The following HNRNPDL variants were observed in gnomAD, a reference collection of about 807,000 sequenced individuals.
HNRNPDL encodes heterogeneous nuclear ribonucleoprotein D-like.
Under a neutral mutation model 48.0 loss-of-function variants are expected in HNRNPDL, and 18 were observed. The ratio of observed to expected loss-of-function variants is 0.38; its 90% CI spans 0.26 to 0.56. The LOEUF (loss-of-function observed/expected upper bound fraction) is 0.56. Among genes scored for constraint, HNRNPDL ranks in the 20% least tolerant of loss-of-function variants. The pLI is 0.77. For missense variants in HNRNPDL, 553 were observed against 540.7 expected (o/e 1.02, Z -0.23); for synonymous variants, 306 against 207.3 (o/e 1.48, Z -4.09).
At position 82,423,864 on chromosome 4, in the gene HNRNPDL, A is replaced by G. The variant is rs1261944082; in HGVS notation, c.*1042T>C. 2 of 152,226 alleles carry G rather than the reference A, an allele frequency of 1.3e-5. No homozygotes were observed. Among genetic ancestry groups the G allele is most frequent in the Admixed American group, 6.5e-5 (1 of 15,276 alleles). 9.4% of individuals were successfully genotyped at this position (152,226 alleles called of 1,614,324 possible). ...CCACTATTCCTTTCTGAATATGTAA[A>G]TATTTAACTACTTAGTTCATGCACT... On this transcript the variant is annotated 3_prime_UTR_variant, in exon 8 of 8. Coordinates refer to ENST00000295470, the MANE Select transcript of HNRNPDL (RefSeq NM_031372.4).
Position 82,426,555 on chromosome 4 carries a change from C to T in HNRNPDL, c.1100G>A (p.Gly367Asp). Residue 367 changes from glycine to aspartate, a missense_variant, in exon 6 of 8, where the codon GGT becomes GAT. By Grantham distance (94) the Gly-to-Asp change is moderately conservative. This residue lies in a region of HNRNPDL where 174 missense variants were observed against 204.6 expected (regional missense o/e 0.85). Coordinates refer to ENST00000295470, the MANE Select transcript of HNRNPDL (RefSeq NM_031372.4). ...GCCATAGCCACTATAGTTTTGATCA[C>T]CACCATAGGCACTATTGTAATTTCC... is the stretch of plus-strand genomic sequence containing the variant. ...GYGNYNSAYG[G>D]DQNYSGYGGY... 6.2e-7 allele frequency: 1 copy of T among 1,612,410 alleles called. No individual in the cohort carries two copies. Among genetic ancestry groups the T allele is most frequent in the Non-Finnish European group, 8.5e-7 (1 of 1,178,574 alleles).
At position 82,426,689 on chromosome 4, in the gene HNRNPDL, T is replaced by TA. The variant is rs3217298; in HGVS notation, c.1022-57dup. 0.067 allele frequency: 94,312 copies of TA among 1,401,044 alleles called. 3,515 individuals are homozygous for TA. Among genetic ancestry groups the TA allele is most frequent in the Admixed American group, 0.12 (7,101 of 59,516 alleles). 86.8% of individuals were successfully genotyped at this position (1,401,044 alleles called of 1,614,324 possible). The stretch of plus-strand genomic sequence containing the variant: ...CAACTTCTGACCCCCAATTCTAACA[T>TA]AAAATGATGCGTTCTTGTCTCTCAC... On this transcript the variant is annotated intron_variant, in intron 5 of 7. Transcript: ENST00000295470.
At chr4:82,427,163 A>T in intron 5 of HNRNPDL, 27 bp downstream of exon 5, 1 of 1,381,076 alleles carries the variant, frequency 7.2e-7, no homozygotes, top group Non-Finnish European at 1.0e-6. Context: ...TAAACCACGG[A>T]GTCATATTTC....
intron 7 of HNRNPDL, 82 bp downstream of exon 7, chr4:82,425,955 T>C: frequency 1.1e-6 from 1 of 932,106 alleles, no homozygotes; most frequent in East Asian, 2.4e-5. Context: ...CTACATAGTA[T>C]TTTGTTTTTA....
intron 1 of HNRNPDL, among the ~76,000 whole-genome samples, chr4:82,428,946 G>A (rs1454367913): frequency 1.3e-5 from 2 of 152,194 alleles, no homozygotes; most frequent in Non-Finnish European, 2.9e-5. Flanking sequence ...GGCGGCAGCT[G>A]CAGCGTGCAG....
intron 1 of HNRNPDL, 117 bp downstream of exon 1, chr4:82,429,131 G>C (rs1481393371): frequency 8.4e-6 from 8 of 947,520 alleles, no homozygotes; most frequent in Non-Finnish European, 1.3e-5. Context: ...GTGGGGCCCA[G>C]AAGGCACGCG....
chr4:82,427,187 C>G lies in HNRNPDL; in HGVS notation c.1021+3G>C. Reference sequence around the variant, plus strand: ...GAGTCATATTTCAAGAATTAAGTCTCACCTCGGCCACGACCCCTCGTACCA... The same window carrying G: ...GAGTCATATTTCAAGAATTAAGTCTGACCTCGGCCACGACCCCTCGTACCA... On this transcript the variant is annotated splice_donor_region_variant and intron_variant, in intron 5 of 7. Transcript: ENST00000295470. 3.1e-6 allele frequency: 5 copies of G among 1,588,320 alleles called. No individual in the cohort carries two copies. Among genetic ancestry groups the G allele is most frequent in the Non-Finnish European group, 4.3e-6 (5 of 1,156,742 alleles).
chr4:82,428,552 T>A, intron 1 of HNRNPDL, 106 bp from the exon 2 acceptor site: 1 of 839,744 alleles, frequency 1.2e-6, no homozygotes, highest in Non-Finnish European at 1.8e-6. Context: ...CCCCTAAGTG[T>A]AGGCAATTTA....
chr4:82,424,823 G>C lies in HNRNPDL; in HGVS notation c.*83C>G, dbSNP rs1222063208. On this transcript the variant is annotated 3_prime_UTR_variant, in exon 8 of 8. Transcript: ENST00000295470. ...AGTCTTTTACAAAATAATCATCTTA[G>C]ATCAACAGAAGACCAATCTTCAATG... 1 of 152,154 alleles carries C rather than the reference G, an allele frequency of 6.6e-6. No individual in the cohort carries two copies. The highest frequency in any genetic ancestry group is 6.5e-5 in the Admixed American group (1 of 15,268). 9.4% of individuals were successfully genotyped at this position (152,154 alleles called of 1,614,324 possible).
rs935119489 is a variant in HNRNPDL, at chr4:82,429,511, G to C, written c.180C>G (p.His60Gln). Residue 60 changes from histidine (H) to glutamine (Q), a missense_variant, in exon 1 of 8, where the codon CAC becomes CAG. By Grantham distance (24) the His-to-Gln change is conservative. Transcript: ENST00000295470. ...ARQGARRAQR[H>Q]VTAQQPSRLA... The stretch of plus-strand genomic sequence containing the variant: ...ATCGGGAGGGCTGCTGGGCGGTGAC[G>C]TGGCGCTGGGCCCGGCGCGCCCCCT... The C allele has an allele frequency of 1.7e-5, 26 of 1,524,222 alleles. No homozygotes were observed. The highest frequency in any genetic ancestry group is 1.1e-4 in the Admixed American group (5 of 46,856). 94.4% of individuals were successfully genotyped at this position (1,524,222 alleles called of 1,614,324 possible). A position where few individuals can be genotyped will look rare whatever the true frequency, so the allele number is the denominator to read the frequency against.
intron 7 of HNRNPDL, chr4:82,425,474 A>T (rs906241530): frequency 1.3e-5 from 2 of 152,800 alleles, no homozygotes; most frequent in African/African-American, 2.4e-5. Context: ...TTAGACACTT[A>T]ATCTCCAAAA....
At chr4:82,427,088 T>C (rs1721443098) in intron 5 of HNRNPDL, 102 bp downstream of exon 5, 3 of 828,488 alleles carry the variant, frequency 3.6e-6, no homozygotes, top group Non-Finnish European at 6.2e-6. Flanking sequence ...TCCGCTGGAA[T>C]GGTTTTAAGT....
chr4:82,423,581 TC>T lies in HNRNPDL; in HGVS notation c.*1324del, dbSNP rs1578081226. On this transcript the variant is annotated 3_prime_UTR_variant, in exon 8 of 8. Coordinates refer to ENST00000295470, the MANE Select transcript of HNRNPDL (RefSeq NM_031372.4). ...TAAGAAACTTACCAGTTTTGTGAGATCACCCGTTGTGTGAGATCAACTACTC... is the reference window on the plus strand; with the variant it reads ...TAAGAAACTTACCAGTTTTGTGAGATACCCGTTGTGTGAGATCAACTACTC... 1 of 151,680 alleles carries T rather than the reference TC, an allele frequency of 6.6e-6. No individual in the cohort carries two copies. Among genetic ancestry groups the T allele is most frequent in the East Asian group, 1.9e-4 (1 of 5,154 alleles). The allele number at this position is 151,680 out of a possible 1,614,324, so 9.4% of individuals were successfully genotyped here.
Position 82,423,555 on chromosome 4 carries a change from A to G in HNRNPDL, c.*1351T>C, listed in dbSNP as rs917114661. Reference sequence around the variant, plus strand: ...AAAAAAAAAGGGAGGGCTCATGAGCATAAGAAACTTACCAGTTTTGTGAGA... The same window carrying G: ...AAAAAAAAAGGGAGGGCTCATGAGCGTAAGAAACTTACCAGTTTTGTGAGA... On this transcript the variant is annotated 3_prime_UTR_variant, in exon 8 of 8. Transcript: ENST00000295470. The G allele has an allele frequency of 1.3e-5, 2 of 151,950 alleles. No individual in the cohort carries two copies. The highest frequency in any genetic ancestry group is 2.9e-5 in the Non-Finnish European group (2 of 68,002). The allele number at this position is 151,950 out of a possible 1,614,324, so 9.4% of individuals were successfully genotyped here. A position where few individuals can be genotyped will look rare whatever the true frequency, so the allele number is the denominator to read the frequency against.
In HNRNPDL at chr4:82,429,364, G is replaced by C; in HGVS notation, c.327C>G (p.Arg109=). The C allele has an allele frequency of 6.2e-7, 1 of 1,613,584 alleles. No individual in the cohort carries two copies. The highest frequency in any genetic ancestry group is 1.3e-5 in the African/African-American group (1 of 74,904). The part of the protein sequence containing the change: ...AAAAAATRTA[R]QHPPADSSVT... ...CGGAGCTGTCGGCAGGGGGGTGCTG[G>C]CGCGCAGTCCGGGTCGCGGCAGCAG... is the stretch of plus-strand genomic sequence containing the variant. Residue 109 remains arginine (R), a synonymous_variant, in exon 1 of 8, where the codon CGC becomes CGG. Coordinates refer to ENST00000295470, the MANE Select transcript of HNRNPDL (RefSeq NM_031372.4).
At position 82,429,684 on chromosome 4, in the gene HNRNPDL, C is replaced by T. The variant is rs2110032103; in HGVS notation, c.7G>A (p.Val3Ile). 1 of 1,354,004 alleles carries T rather than the reference C, an allele frequency of 7.4e-7. No homozygotes were observed. Among genetic ancestry groups the T allele is most frequent in the Non-Finnish European group, 9.5e-7 (1 of 1,054,762 alleles). 83.9% of individuals were successfully genotyped at this position (1,354,004 alleles called of 1,614,324 possible). Residue 3 changes from valine (V) to isoleucine (I), a missense_variant, in exon 1 of 8, where the codon GTC becomes ATC. Val to Ile is a conservative substitution (Grantham distance 29). This residue lies in a region of HNRNPDL where 327 missense variants were observed against 203.2 expected (regional missense o/e 1.61). Transcript: ENST00000295470. ...GGCACATGGGAAAGCCTGGGCGGGA[C>T]CTCCATCGCGGCCCTCCCGGCAAGG... ME[V>I]PPRLSHVPPP...
chr4:82,423,996 T>C lies in HNRNPDL; in HGVS notation c.*910A>G, dbSNP rs1721308442. The C allele has an allele frequency of 6.6e-6, 1 of 152,262 alleles. No individual in the cohort carries two copies. The highest frequency in any genetic ancestry group is 2.4e-5 in the African/African-American group (1 of 41,460). The allele number at this position is 152,262 out of a possible 1,614,324, so 9.4% of individuals were successfully genotyped here. A position where few individuals can be genotyped will look rare whatever the true frequency, so the allele number is the denominator to read the frequency against. ...CAAACAGAAAACATTTTGTTCAATC[T>C]TGTGGCGGCTCTGAGAAAACACAAC... On this transcript the variant is annotated 3_prime_UTR_variant, in exon 8 of 8. Coordinates refer to ENST00000295470, the MANE Select transcript of HNRNPDL (RefSeq NM_031372.4).
chr4:82,424,930 A>T (rs1278671704), intron 7 of HNRNPDL, 47 bp from the exon 8 acceptor site: 1 of 152,242 alleles, frequency 6.6e-6, no homozygotes, highest in Non-Finnish European at 1.5e-5. Flanking sequence ...AACTCTGACA[A>T]GCTTTTAAAG....
rs552324173 is a variant in HNRNPDL at position 82,424,432 on chromosome 4, A to C, written c.*474T>G. The C allele has an allele frequency of 6.6e-6, 1 of 152,670 alleles. No individual in the cohort carries two copies. The highest frequency in any genetic ancestry group is 1.5e-5 in the Non-Finnish European group (1 of 68,036). 9.5% of individuals were successfully genotyped at this position (152,670 alleles called of 1,614,324 possible). On this transcript the variant is annotated 3_prime_UTR_variant, in exon 8 of 8. Transcript: ENST00000295470. ...AAGGTGTGGTAGAAATCTCAGTTAC[A>C]GGGAGAAGATGAAGCCTTAAGAGCA...
Sources: allele counts gnomAD v4.1 joint callset (sites outside exome capture counted in the v4.1 genomes callset), GRCh38; gene constraint gnomAD v4.1.1; regional missense constraint gnomAD v4.1.1; transcripts MANE v1.5; gene names NCBI Gene and HGNC (gene_info 2026-07-23, HGNC 2026-07-21).